NKAIN2: variants seen among roughly 807,000 people sequenced by gnomAD.
NKAIN2 encodes sodium/potassium-transporting ATPase subunit beta-1-interacting protein 2.
A neutral mutation model predicts 32.6 loss-of-function variants in NKAIN2; 14 were observed. The observed-to-expected ratio is 0.43, with a 90% CI of 0.28 to 0.67. The LOEUF (loss-of-function observed/expected upper bound fraction) is 0.67. Ranked by LOEUF, NKAIN2 falls within the 30% of genes least tolerant of loss-of-function variation. The pLI, the probability that NKAIN2 is intolerant of heterozygous loss-of-function variation, is 0.17. For missense variants in NKAIN2, 198 were observed against 258.3 expected, an observed-to-expected ratio of 0.77 and a Z score of 1.60; for synonymous variants, 80 against 87.2, an observed-to-expected ratio of 0.92 and a Z score of 0.46.
chr6:124,053,237 C>CTTAA (rs1368936442), intron 1 of NKAIN2, among the ~76,000 whole-genome samples: 1 of 151,888 alleles, frequency 6.6e-6, no homozygotes, highest in Non-Finnish European at 1.5e-5. Flanking sequence ...CTGATCCTCT[C>CTTAA]TTAAAATTTA....
At chr6:124,334,733 C>T (rs200169006) in intron 2 of NKAIN2, among the ~76,000 whole-genome samples, 7 of 152,078 alleles carry the variant, frequency 4.6e-5, no homozygotes, top group East Asian at 3.9e-4. Context: ...CATGACTCCT[C>T]GCCAGAACTT....
In NKAIN2 at chr6:124,672,563, CTTTATT is replaced by C. The variant is rs569504099; in HGVS notation, c.474+14181_474+14186del. On this transcript the variant is annotated intron_variant, in intron 4 of 6. Transcript: ENST00000368417. ...AAAAGAGGACCATTAGTCAGAGCATCTTTATTTTTCATAAAAAGAAAAGTCAGTTAG... is the reference window on the plus strand; with the variant it reads ...AAAAGAGGACCATTAGTCAGAGCATCTTTCATAAAAAGAAAAGTCAGTTAG... 1.7e-4 allele frequency among the ~76,000 whole-genome samples: 26 copies of C among 152,056 alleles called. No individual in the cohort carries two copies. In the East Asian group the frequency reaches 4.7e-3, roughly 27 times the overall value.
chr6:124,007,585 A>G, intron 1 of NKAIN2, among the ~76,000 whole-genome samples: 1 of 152,200 alleles, frequency 6.6e-6, no homozygotes, highest in East Asian at 1.9e-4. Context: ...TTCTTAAGGC[A>G]GGATTAAGGG....
At chr6:124,312,338 T>A (rs1444125370) in intron 2 of NKAIN2, among the ~76,000 whole-genome samples, 1 of 152,116 alleles carries the variant, frequency 6.6e-6, no homozygotes, top group Non-Finnish European at 1.5e-5. Flanking sequence ...TAGCGTCAGA[T>A]CCCACAGGTT....
intron 1 of NKAIN2, among the ~76,000 whole-genome samples, chr6:123,824,541 T>G (rs1774063318): frequency 6.6e-6 from 1 of 152,016 alleles, no homozygotes; most frequent in African/African-American, 2.4e-5. Context: ...TTTGAGGGCC[T>G]TATTATAGAA....
Position 124,355,281 on chromosome 6 carries a change from A to G in NKAIN2, c.207A>G (p.Leu69=), listed in dbSNP as rs764167176. The G allele has an allele frequency of 1.4e-5, 23 of 1,604,824 alleles. No individual in the cohort carries two copies. Among genetic ancestry groups the G allele is most frequent in the Middle Eastern group, 3.3e-4 (2 of 6,064 alleles). Residue 69 remains leucine, a synonymous_variant, in exon 3 of 7, where the codon CTA becomes CTG. Transcript: ENST00000368417. Reference sequence around the variant, plus strand: ...CTTCTCTACAGTATGCTGTCTGGCTAGTCCTCTGGGTTACGTGGAATGTGT... The same window carrying G: ...CTTCTCTACAGTATGCTGTCTGGCTGGTCCTCTGGGTTACGTGGAATGTGT... ...PRYITGYAVW[L]VLWVTWNVFV...
At chr6:124,247,859 T>A (rs1468152416) in intron 1 of NKAIN2, among the ~76,000 whole-genome samples, 3 of 152,152 alleles carry the variant, frequency 2.0e-5, no homozygotes, top group Admixed American at 2.0e-4. Flanking sequence ...ATCATTCAGA[T>A]GTCCTTAAAT....
intron 5 of NKAIN2, among the ~76,000 whole-genome samples, chr6:124,803,657 C>A (rs1225044206): frequency 6.6e-6 from 1 of 152,158 alleles, no homozygotes; most frequent in African/African-American, 2.4e-5. Context: ...TCTGAAGGCT[C>A]TCCATAGACC....
intron 1 of NKAIN2, among the ~76,000 whole-genome samples, chr6:124,101,518 A>G (rs1784888251): frequency 6.6e-6 from 1 of 152,036 alleles, no homozygotes; most frequent in South Asian, 2.1e-4. Context: ...TTTTTTTAGG[A>G]GTATCATTTC....
intron 1 of NKAIN2, among the ~76,000 whole-genome samples, chr6:124,281,588 G>GT (rs966713475): frequency 4.6e-5 from 7 of 152,164 alleles, no homozygotes; most frequent in African/African-American, 1.2e-4. Flanking sequence ...AGGTTCTTTT[G>GT]TTTTTTTAAT....
intron 3 of NKAIN2, among the ~76,000 whole-genome samples, chr6:124,641,535 T>C (rs1274878557): frequency 2.3e-5 from 2 of 87,332 alleles, no homozygotes; most frequent in African/African-American, 9.8e-5. Context: ...ACTAGCTTTT[T>C]TTTTTTTTTT....
chr6:124,399,136 A>G (rs1286226606), intron 3 of NKAIN2, among the ~76,000 whole-genome samples: 1 of 152,294 alleles, frequency 6.6e-6, no homozygotes, highest in East Asian at 1.9e-4. Flanking sequence ...CATGTTGGCC[A>G]GGCTGGTCTT....
At chr6:123,949,965 T>G (rs1183887830) in intron 1 of NKAIN2, among the ~76,000 whole-genome samples, 1 of 152,050 alleles carries the variant, frequency 6.6e-6, no homozygotes. Context: ...TTGAGGTATG[T>G]TCTTTCATTG....
At chr6:124,010,192 G>C (rs373664226) in intron 1 of NKAIN2, among the ~76,000 whole-genome samples, 11 of 152,092 alleles carry the variant, frequency 7.2e-5, no homozygotes, top group South Asian at 4.2e-4. Context: ...AGAGGTTGCT[G>C]TCTGAGAATT....
intron 4 of NKAIN2, among the ~76,000 whole-genome samples, chr6:124,684,731 C>A (rs1773781469): frequency 6.6e-6 from 1 of 152,208 alleles, no homozygotes; most frequent in South Asian, 2.1e-4. Flanking sequence ...ATTAGTTCAG[C>A]CATTCAGTCA....
chr6:124,516,051 C>G (rs1034356796), intron 3 of NKAIN2, among the ~76,000 whole-genome samples: 1 of 152,092 alleles, frequency 6.6e-6, no homozygotes, highest in African/African-American at 2.4e-5. Flanking sequence ...TACTATCTTC[C>G]TCGCACTATT....
chr6:124,778,148 T>C (rs1779065258), intron 4 of NKAIN2, among the ~76,000 whole-genome samples: 2 of 152,052 alleles, frequency 1.3e-5, no homozygotes, highest in African/African-American at 4.8e-5. Flanking sequence ...AACAGCTTGC[T>C]CTCCCCCTGA....
At chr6:123,883,834 G>A (rs1219580969) in intron 1 of NKAIN2, among the ~76,000 whole-genome samples, 1 of 134,250 alleles carries the variant, frequency 7.4e-6, no homozygotes, top group Non-Finnish European at 1.5e-5. Flanking sequence ...GGCAGAGCTT[G>A]CAGTGAAACG....
intron 1 of NKAIN2, among the ~76,000 whole-genome samples, chr6:124,034,118 CTTTTT>C (rs904431771): frequency 2.0e-5 from 3 of 151,882 alleles, no homozygotes; most frequent in African/African-American, 7.3e-5. Flanking sequence ...ACCTGTGTTT[CTTTTT>C]TATTTTTCTT....
Sources: gnomAD v4.1 joint callset for allele counts (sites outside exome capture counted in the v4.1 genomes callset) on GRCh38, gnomAD v4.1.1 for gene constraint, MANE v1.5 for transcripts, NCBI Gene and HGNC (gene_info 2026-07-23, HGNC 2026-07-21) for gene names.